STARD13: variants seen among roughly 807,000 people sequenced by gnomAD.
STARD13 encodes the protein StAR related lipid transfer domain containing 13, also known as stAR-related lipid transfer protein 13.
Under a neutral mutation model 106.4 loss-of-function variants are expected in STARD13, and 62 were observed. That is an observed-to-expected ratio of 0.58 (90% CI 0.48 to 0.72). The LOEUF is 0.72. Among genes scored for constraint, STARD13 ranks in the 30% least tolerant of loss-of-function variants. STARD13 has a pLI of 0.00. For synonymous variants in STARD13, 565 were observed against 553.0 expected, an observed-to-expected ratio of 1.02 and a Z score of -0.31; for missense variants, 1,387 against 1,424.0, an observed-to-expected ratio of 0.97 and a Z score of 0.42.
chr13:33,555,045 A>G, the STARD13 span, among the ~76,000 whole-genome samples: 1 of 152,156 alleles, frequency 6.6e-6, no homozygotes, highest in Non-Finnish European at 1.5e-5. Context: ...CTGGTAGTCT[A>G]AGGATCACAG....
At chr13:33,116,140 G>A (rs145957433) in intron 8 of STARD13, among the ~76,000 whole-genome samples, 2,038 of 152,182 alleles carry the variant, frequency 0.013, 36 homozygotes, top group African/African-American at 0.04. Flanking sequence ...TGGCCCCAGC[G>A]TCATTTTTCA....
chr13:33,382,059 G>C, the STARD13 span, among the ~76,000 whole-genome samples: 4 of 152,164 alleles, frequency 2.6e-5, no homozygotes, highest in Admixed American at 2.6e-4. Flanking sequence ...TAGCGCAAAC[G>C]CATAGACCAG....
In STARD13 at chr13:33,253,020, T is replaced by C. The variant is rs537801815; in HGVS notation, c.169+32450A>G. On this transcript the variant is annotated intron_variant, in intron 1 of 13. Coordinates refer to ENST00000336934, the MANE Select transcript of STARD13 (RefSeq NM_178006.4). Reference sequence around the variant, plus strand: ...TTTTTTGGATTATTTTAGGGACATATAAAAAGGTCACCACCAAACAATTTT... The same window carrying C: ...TTTTTTGGATTATTTTAGGGACATACAAAAAGGTCACCACCAAACAATTTT... 1.7e-4 allele frequency among the ~76,000 whole-genome samples: 26 copies of C among 152,292 alleles called. 1 individual carries two copies. The South Asian group carries it at 5.2e-3, about 30-fold the overall frequency.
intron 3 of STARD13, among the ~76,000 whole-genome samples, chr13:33,164,745 G>T (rs1171258384): frequency 1.3e-5 from 2 of 152,116 alleles, no homozygotes; most frequent in African/African-American, 4.8e-5. Flanking sequence ...GTTTTAAGGG[G>T]AAGAAATTAT....
Position 33,317,971 on chromosome 13 carries a change from G to A in STARD13, c.124+32319C>T, listed in dbSNP as rs551854930. Among the ~76,000 whole-genome samples, 15 of 152,230 alleles carry A rather than the reference G, an allele frequency of 9.9e-5. 1 individual carries two copies. In the South Asian group the frequency reaches 1.0e-3, roughly 11 times the overall value. ...CAAGAACTAACTTGCTCAAGGTCAC[G>A]CAGTTAGTAAGTAATGGAGTCAAGA... On this transcript the variant is annotated intron_variant, in intron 1 of 5. Coordinates refer to the STARD13 transcript ENST00000567873.
At chr13:33,361,553 T>A in the STARD13 span, among the ~76,000 whole-genome samples, 2 of 152,186 alleles carry the variant, frequency 1.3e-5, no homozygotes, top group Admixed American at 6.5e-5. Context: ...TATAAAGAAC[T>A]ACCTGAGACT....
the STARD13 span, among the ~76,000 whole-genome samples, chr13:33,472,544 A>G: frequency 6.6e-6 from 1 of 151,500 alleles, no homozygotes; most frequent in Admixed American, 6.6e-5. Flanking sequence ...GAGTTGTCAC[A>G]TGTCAAAATA....
At chr13:33,200,883 G>A (rs1967961) in intron 1 of STARD13, among the ~76,000 whole-genome samples, 11 of 151,998 alleles carry the variant, frequency 7.2e-5, no homozygotes, top group East Asian at 1.9e-4. Flanking sequence ...AAAATTAGCC[G>A]GGCATGGTGG....
the STARD13 span, among the ~76,000 whole-genome samples, chr13:33,635,568 G>T: frequency 6.6e-6 from 1 of 152,092 alleles, no homozygotes; most frequent in Non-Finnish European, 1.5e-5. Flanking sequence ...GCTGAGGCAG[G>T]AGAATGGAGT....
chr13:33,307,245 T>C (rs1892944462), intron 1 of STARD13, among the ~76,000 whole-genome samples: 1 of 152,200 alleles, frequency 6.6e-6, no homozygotes, highest in Non-Finnish European at 1.5e-5. Context: ...GAAGACAGTG[T>C]GGCAATTCCT....
Position 33,142,296 on chromosome 13 carries a change from G to A in STARD13, c.387+14C>T. The A allele has an allele frequency of 6.2e-7, 1 of 1,608,152 alleles. No individual in the cohort carries two copies. Among genetic ancestry groups the A allele is most frequent in the Non-Finnish European group, 8.5e-7 (1 of 1,174,608 alleles). On this transcript the variant is annotated intron_variant, in intron 4 of 13. Coordinates refer to ENST00000336934, the MANE Select transcript of STARD13 (RefSeq NM_178006.4). ...CTGGCATAGCCACATTCTTATTAAGGTGTGGGCACCTACCTTTTTCCTTTG... is the reference window on the plus strand; with the variant it reads ...CTGGCATAGCCACATTCTTATTAAGATGTGGGCACCTACCTTTTTCCTTTG...
chr13:33,650,772 G>T, the STARD13 span, among the ~76,000 whole-genome samples: 374 of 152,294 alleles, frequency 2.5e-3, 5 homozygotes, highest in African/African-American at 8.7e-3. Flanking sequence ...ACGCCACAAG[G>T]GCTCTGCCCC....
intron 1 of STARD13, among the ~76,000 whole-genome samples, chr13:33,263,594 G>A (rs1890751759): frequency 6.6e-6 from 1 of 152,170 alleles, no homozygotes; most frequent in Admixed American, 6.5e-5. Context: ...GGGCTTAAAT[G>A]AGCCTAATGT....
chr13:33,425,943 A>G, the STARD13 span, among the ~76,000 whole-genome samples: 2 of 152,340 alleles, frequency 1.3e-5, no homozygotes, highest in East Asian at 3.9e-4. Context: ...TACTGTGTCC[A>G]AATATATATA....
At chr13:33,547,717 A>G in the STARD13 span, among the ~76,000 whole-genome samples, 1 of 152,242 alleles carries the variant, frequency 6.6e-6, no homozygotes, top group Non-Finnish European at 1.5e-5. Context: ...TTTTAAGACT[A>G]TATCACAGTG....
chr13:33,622,417 C>T, the STARD13 span, among the ~76,000 whole-genome samples: 1 of 152,006 alleles, frequency 6.6e-6, no homozygotes, highest in Non-Finnish European at 1.5e-5. Flanking sequence ...GCGGGTGGAT[C>T]ATTTGAGGTC....
At chr13:33,396,088 A>G in the STARD13 span, among the ~76,000 whole-genome samples, 3 of 152,170 alleles carry the variant, frequency 2.0e-5, no homozygotes, top group Non-Finnish European at 2.9e-5. Flanking sequence ...CCTGGGTTCA[A>G]GTGATCTTCC....
the STARD13 span, among the ~76,000 whole-genome samples, chr13:33,532,527 C>G: frequency 6.6e-6 from 1 of 152,016 alleles, no homozygotes; most frequent in African/African-American, 2.4e-5. Flanking sequence ...CTTCTGGTCC[C>G]TGGATTTAGT....
chr13:33,110,795 T>C lies in STARD13; in HGVS notation c.2720A>G (p.His907Arg). The change falls in exon 11 of 14, where the codon CAC (histidine) becomes CGC (arginine). Residue 907 changes from histidine to arginine, a missense_variant. His to Arg is a conservative substitution (Grantham distance 29). Coordinates refer to ENST00000336934, the MANE Select transcript of STARD13 (RefSeq NM_178006.4). Reference sequence around the variant, plus strand: ...CTGGATGAGATGGTTCAGGTAAGTGTGGAAAGTTGCCCCACTCTCCTCCAG... The same window carrying C: ...CTGGATGAGATGGTTCAGGTAAGTGCGGAAAGTTGCCCCACTCTCCTCCAG... ...TQLEESGATF[H>R]TYLNHLIQGL... 6.2e-7 allele frequency: 1 copy of C among 1,614,182 alleles called. No individual in the cohort carries two copies. Among genetic ancestry groups the C allele is most frequent in the Non-Finnish European group, 8.5e-7 (1 of 1,180,010 alleles).
Sources: gnomAD v4.1 joint callset for allele counts (sites outside exome capture counted in the v4.1 genomes callset) on GRCh38, gnomAD v4.1.1 for gene constraint, MANE v1.5 for transcripts, NCBI Gene and HGNC (gene_info 2026-07-23, HGNC 2026-07-21) for gene names.